Variants in ANAPC10 observed in about 807,000 individuals in gnomAD.
ANAPC10 encodes the protein anaphase promoting complex subunit 10.
In ANAPC10, 12 loss-of-function variants were observed where a neutral mutation model predicts 22.0. The ratio of observed to expected loss-of-function variants is 0.55; its 90% CI spans 0.35 to 0.88. The LOEUF (loss-of-function observed/expected upper bound fraction) is 0.88, where lower values mean the gene tolerates loss of function less well. ANAPC10 is among the 40% of genes least tolerant of loss of function. The probability of loss-of-function intolerance (pLI) is 0.01; values close to 1 mark genes in which losing one functional copy is unlikely to be tolerated. For synonymous variants in ANAPC10, 65 were observed against 69.5 expected (o/e 0.94, Z 0.32); for missense variants, 188 against 220.9 (o/e 0.85, Z 0.94).
At chr4:145,029,694 G>A (rs1002341257) in intron 4 of ANAPC10, among the ~76,000 whole-genome samples, 6 of 152,100 alleles carry the variant, frequency 3.9e-5, no homozygotes, top group Non-Finnish European at 5.9e-5. Context: ...TTAAAAAATG[G>A]CCCACTGTGA....
rs573791194 is a variant in ANAPC10, at chr4:145,061,741, G to A, written c.327+2831C>T. Among the ~76,000 whole-genome samples, 14 of 152,190 alleles carry A rather than the reference G, an allele frequency of 9.2e-5. No homozygotes were observed. The South Asian group carries it at 1.9e-3, about 20-fold the overall frequency. ...TTTTTAATAAAATACAATTTAATAC[G>A]TCAAGTCATCAGAGAACTAAACACT... On this transcript the variant is annotated intron_variant, in intron 4 of 4. Transcript: ENST00000507656.
chr4:145,078,417 G>T (rs1283358350), intron 3 of ANAPC10, among the ~76,000 whole-genome samples: 2 of 151,930 alleles, frequency 1.3e-5, no homozygotes, highest in Non-Finnish European at 2.9e-5. Flanking sequence ...TGGATAGGAA[G>T]AATCAATATT....
chr4:145,048,491 T>C (rs1255808337), intron 4 of ANAPC10, among the ~76,000 whole-genome samples: 3 of 152,180 alleles, frequency 2.0e-5, no homozygotes. Context: ...TTCTTCTACT[T>C]ACAGATTCAT....
chr4:145,021,909 C>T (rs568544038), intron 4 of ANAPC10, among the ~76,000 whole-genome samples: 9 of 152,010 alleles, frequency 5.9e-5, no homozygotes, highest in East Asian at 1.9e-4. Flanking sequence ...AACAAACATA[C>T]GAAAAAATGC....
rs973745115 is a variant in ANAPC10, at chr4:145,071,185, G to A, written c.207-6493C>T. Among the ~76,000 whole-genome samples, 6 of 152,118 alleles carry A rather than the reference G, an allele frequency of 3.9e-5. No homozygotes were observed. In the South Asian group the frequency reaches 8.3e-4, roughly 21 times the overall value. ...ACTTTGGGAGGCTGAGGAGGGCAGA[G>A]CACCTGAAGTTGGGATTTCGAGAAT... On this transcript the variant is annotated intron_variant, in intron 3 of 4. Coordinates refer to ENST00000507656, the MANE Select transcript of ANAPC10 (RefSeq NM_001256706.2).
At chr4:145,054,638 T>C (rs559931366) in intron 4 of ANAPC10, among the ~76,000 whole-genome samples, 8,326 of 65,236 alleles carry the variant, frequency 0.13, 324 homozygotes, top group African/African-American at 0.16. Context: ...TGTGTGTGTG[T>C]GTGCGCGCGC....
At chr4:145,061,840 G>C (rs531694813) in intron 4 of ANAPC10, among the ~76,000 whole-genome samples, 2 of 152,252 alleles carry the variant, frequency 1.3e-5, no homozygotes, top group Admixed American at 1.3e-4. Flanking sequence ...AGGCGCGGTG[G>C]CTCAAACCTG....
At position 145,062,327 on chromosome 4, in the gene ANAPC10, C is replaced by T. The variant is rs369425590; in HGVS notation, c.327+2245G>A. 2.0e-5 allele frequency among the ~76,000 whole-genome samples: 3 copies of T among 152,224 alleles called. No homozygotes were observed. The South Asian group carries it at 6.2e-4, about 32-fold the overall frequency. On this transcript the variant is annotated intron_variant, in intron 4 of 4. Coordinates refer to ENST00000507656, the MANE Select transcript of ANAPC10 (RefSeq NM_001256706.2). Reference sequence around the variant, plus strand: ...AAGAAGGGTTTCTTAAAAGTAAGGGCTGGGCATGGTGGCTCACGCCTGTAA... The same window carrying T: ...AAGAAGGGTTTCTTAAAAGTAAGGGTTGGGCATGGTGGCTCACGCCTGTAA...
intron 3 of ANAPC10, among the ~76,000 whole-genome samples, chr4:145,081,007 A>G (rs1579137072): frequency 1.3e-5 from 2 of 151,998 alleles, no homozygotes; most frequent in African/African-American, 2.4e-5. Flanking sequence ...CCAGTGGTTC[A>G]TGCCTGGAAC....
intron 3 of ANAPC10, among the ~76,000 whole-genome samples, chr4:145,074,060 TA>T (rs539431260): frequency 7.9e-5 from 12 of 151,798 alleles, no homozygotes; most frequent in African/African-American, 2.9e-4. Context: ...CAATATTCCT[TA>T]AAAAATTATT....
Position 144,995,507 on chromosome 4 carries a change from G to C in ANAPC10, c.424C>G (p.Leu142Val). 2 of 1,613,720 alleles carry C rather than the reference G, an allele frequency of 1.2e-6. No individual in the cohort carries two copies. The highest frequency in any genetic ancestry group is 1.7e-6 in the Non-Finnish European group (2 of 1,179,834). Residue 142 changes from leucine to valine, a missense_variant, in exon 5 of 5, where the codon CTA (leucine) becomes GTA (valine). By Grantham distance (32) the Leu-to-Val change is conservative (BLOSUM62 1). Transcript: ENST00000507656. ...TCTCTTCCATTCTGGTGATTGGCTA[G>C]AACAGCAATCTGTATCATGAATGTA... Reference protein sequence around the residue: ...TRTFMIQIAVLANHQNGRDTH... With the variant: ...TRTFMIQIAVVANHQNGRDTH...
At chr4:145,057,607 T>A (rs191748015) in intron 4 of ANAPC10, among the ~76,000 whole-genome samples, 28 of 152,282 alleles carry the variant, frequency 1.8e-4, no homozygotes, top group Non-Finnish European at 3.7e-4. Context: ...TTCCTTAGGT[T>A]CAGATCCATA....
chr4:145,084,630 G>C (rs1350847185), intron 2 of ANAPC10, among the ~76,000 whole-genome samples: 1 of 152,030 alleles, frequency 6.6e-6, no homozygotes, highest in East Asian at 1.9e-4. Context: ...AATTTGGTCT[G>C]CATTCAAAGC....
At chr4:145,036,823 A>C (rs1305783762) in intron 4 of ANAPC10, among the ~76,000 whole-genome samples, 1 of 152,190 alleles carries the variant, frequency 6.6e-6, no homozygotes, top group East Asian at 1.9e-4. Context: ...CGAGTTCAAA[A>C]ACAAGCACTC....
At chr4:144,999,165 A>C (rs2126840588) in intron 4 of ANAPC10, 1 of 152,552 alleles carries the variant, frequency 6.6e-6, no homozygotes, top group South Asian at 2.1e-4. Flanking sequence ...AGATGGATTA[A>C]GAGACGAATT....
intron 4 of ANAPC10, among the ~76,000 whole-genome samples, chr4:145,010,276 G>A (rs1163616642): frequency 6.6e-6 from 1 of 152,060 alleles, no homozygotes; most frequent in East Asian, 1.9e-4. Context: ...AATTCCTCAG[G>A]GATCTAGAAC....
intron 2 of ANAPC10, among the ~76,000 whole-genome samples, chr4:145,087,532 G>A (rs1235444356): frequency 6.6e-6 from 1 of 151,034 alleles, no homozygotes; most frequent in Non-Finnish European, 1.5e-5. Flanking sequence ...GGTCTCTGTA[G>A]AGAAGTTCAT....
At chr4:145,045,315 G>A (rs934586978) in intron 4 of ANAPC10, among the ~76,000 whole-genome samples, 7 of 151,914 alleles carry the variant, frequency 4.6e-5, no homozygotes, top group African/African-American at 1.7e-4. Context: ...CTATATATGA[G>A]GAAACTGAGG....
chr4:145,055,837 T>G (rs1184255865), intron 4 of ANAPC10, among the ~76,000 whole-genome samples: 1 of 152,184 alleles, frequency 6.6e-6, no homozygotes, highest in Non-Finnish European at 1.5e-5. Context: ...TGTGTATTCA[T>G]AACCACGTGA....
Sources: gnomAD v4.1 joint callset for allele counts (sites outside exome capture counted in the v4.1 genomes callset) on GRCh38, gnomAD v4.1.1 for gene constraint, MANE v1.5 for transcripts, NCBI Gene and HGNC (gene_info 2026-07-23, HGNC 2026-07-21) for gene names.